The following SHB variants were observed in gnomAD, a reference collection of about 807,000 sequenced individuals.
SHB encodes SH2 domain-containing adapter protein B.
Under a neutral mutation model 52.3 loss-of-function variants are expected in SHB, and 20 were observed. The observed-to-expected ratio is 0.38, with a 90% CI of 0.27 to 0.56. SHB has a LOEUF of 0.56. Ranked by LOEUF, SHB falls within the 20% of genes least tolerant of loss-of-function variation. SHB has a pLI of 0.71. For missense variants in SHB, 825 were observed against 723.3 expected (o/e 1.14, Z -1.61); for synonymous variants, 397 against 316.5 (o/e 1.25, Z -2.70).
chr9:38,019,544 C>G (rs561851544), intron 1 of SHB, among the ~76,000 whole-genome samples: 1 of 152,252 alleles, frequency 6.6e-6, no homozygotes, highest in Non-Finnish European at 1.5e-5. Context: ...TGCCCCTTGG[C>G]CACACTTCCC....
At chr9:37,960,907 G>A (rs1832686534) in intron 3 of SHB, among the ~76,000 whole-genome samples, 1 of 152,220 alleles carries the variant, frequency 6.6e-6, no homozygotes, top group Non-Finnish European at 1.5e-5. Context: ...GCCCAGGACT[G>A]CAGGCCTGCA....
At chr9:37,977,876 C>T (rs1820673935) in intron 2 of SHB, among the ~76,000 whole-genome samples, 1 of 152,216 alleles carries the variant, frequency 6.6e-6, no homozygotes, top group Admixed American at 6.5e-5. Context: ...CCCATGTACA[C>T]AGTTGATGAA....
chr9:38,011,709 G>C (rs1445199679), intron 2 of SHB, among the ~76,000 whole-genome samples: 1 of 152,188 alleles, frequency 6.6e-6, no homozygotes, highest in Non-Finnish European at 1.5e-5. Context: ...TCTGGGGATA[G>C]GCAGTTCACT....
At chr9:37,988,657 A>G (rs1410825240) in intron 2 of SHB, among the ~76,000 whole-genome samples, 1 of 152,112 alleles carries the variant, frequency 6.6e-6, no homozygotes, top group Non-Finnish European at 1.5e-5. Context: ...ATGTGTCAAC[A>G]TGGTTGTCCT....
intron 1 of SHB, among the ~76,000 whole-genome samples, chr9:38,066,712 G>T (rs1330345499): frequency 6.6e-6 from 1 of 152,104 alleles, no homozygotes; most frequent in African/African-American, 2.4e-5. Flanking sequence ...GGGAGGCCAG[G>T]CAGAAAAACT....
rs985158965 is a variant in SHB at position 37,956,001 on chromosome 9, G to A, written c.1108C>T (p.Arg370Trp). The stretch of plus-strand genomic sequence containing the variant: ...CCAGGGGCACGAAGCTGGCGCCGCC[G>A]GTCCCGCGAAGGTGAGGGGGATGAC... ...RQSSPSPSRD[R>W]RRQLRAPGGG... is the part of the protein sequence containing the mutation. The change falls in exon 4 of 6, where the codon CGG (arginine) becomes TGG (tryptophan). Residue 370 changes from arginine (R) to tryptophan (W), a missense_variant. Transcript: ENST00000377707. 21 of 1,592,116 alleles carry A rather than the reference G, an allele frequency of 1.3e-5. No homozygotes were observed. The highest frequency in any genetic ancestry group is 1.8e-5 in the Non-Finnish European group (21 of 1,170,060).
At chr9:38,050,220 TCA>T (rs149269650) in intron 1 of SHB, among the ~76,000 whole-genome samples, 3,260 of 152,310 alleles carry the variant, frequency 0.021, 109 homozygotes, top group African/African-American at 0.074. Flanking sequence ...CAGGGAAATG[TCA>T]CAGTCCTTCA....
rs750545134 is a variant in SHB, at chr9:38,068,443, C to A, written c.203G>T (p.Gly68Val). ...ATASCFSASS[G>V]SLPDDSGSTS... ...GCTGCCGCTGTCGTCGGGCAGCGAG[C>A]CCGAAGAGGCTGAGAAGCAGGAGGC... Residue 68 changes from glycine to valine, a missense_variant, in exon 1 of 6, where the codon GGC becomes GTC. Physicochemically the swap from Gly to Val is moderately radical, Grantham distance 109 (BLOSUM62 -3). Coordinates refer to ENST00000377707, the MANE Select transcript of SHB (RefSeq NM_003028.3). 1 of 1,543,940 alleles carries A rather than the reference C, an allele frequency of 6.5e-7. No individual in the cohort carries two copies. Among genetic ancestry groups the A allele is most frequent in the South Asian group, 1.2e-5 (1 of 83,554 alleles).
At chr9:38,051,716 T>G (rs1297730329) in intron 1 of SHB, among the ~76,000 whole-genome samples, 1 of 152,196 alleles carries the variant, frequency 6.6e-6, no homozygotes, top group Non-Finnish European at 1.5e-5. Context: ...AGGAGCTGAC[T>G]GATGGCAACA....
chr9:37,917,342 G>C lies in SHB; in HGVS notation c.*2479C>G, dbSNP rs958664371. On this transcript the variant is annotated 3_prime_UTR_variant, in exon 6 of 6. Transcript: ENST00000377707. ...CAGGAAGACGAAGGCCAGGGACAGA[G>C]GGAGGGTCCCAGGAATACCCTAAGA... Among the ~76,000 whole-genome samples the C allele has an allele frequency of 1.3e-5, 2 of 152,196 alleles. No homozygotes were observed. Among genetic ancestry groups the C allele is most frequent in the African/African-American group, 4.8e-5 (2 of 41,450 alleles).
At chr9:38,010,532 C>G (rs2118064041) in intron 2 of SHB, among the ~76,000 whole-genome samples, 1 of 152,314 alleles carries the variant, frequency 6.6e-6, no homozygotes, top group East Asian at 1.9e-4. Flanking sequence ...CACCTCTATG[C>G]TTTTCTCAAG....
chr9:38,067,297 G>C (rs1433535483), intron 1 of SHB, among the ~76,000 whole-genome samples: 1 of 152,194 alleles, frequency 6.6e-6, no homozygotes, highest in African/African-American at 2.4e-5. Context: ...GGTTCGATGA[G>C]GAGCGCTCTT....
In SHB at chr9:37,918,427, G is replaced by GTCCCTGGGAGGTCAGGATTCTCCC. The variant is rs1832130620; in HGVS notation, c.*1393_*1394insGGGAGAATCCTGACCTCCCAGGGA. Among the ~76,000 whole-genome samples, 3 of 114,058 alleles carry GTCCCTGGGAGGTCAGGATTCTCCC rather than the reference G, an allele frequency of 2.6e-5. No homozygotes were observed. The highest frequency in any genetic ancestry group is 3.9e-5 in the Non-Finnish European group (2 of 51,162). 74.8% of individuals were successfully genotyped at this position (114,058 alleles called of 152,430 possible). ...CAGTGTGGACCACTGAGGGCTGTGT[G>GTCCCTGGGAGGTCAGGATTCTCCC]TGTGTGTGTGTGTGTGTGTAGGTGT... is the stretch of plus-strand genomic sequence containing the variant. On this transcript the variant is annotated 3_prime_UTR_variant, in exon 6 of 6. Coordinates refer to ENST00000377707, the MANE Select transcript of SHB (RefSeq NM_003028.3).
chr9:38,009,199 T>C (rs559615279), intron 2 of SHB, among the ~76,000 whole-genome samples: 1 of 152,260 alleles, frequency 6.6e-6, no homozygotes, highest in Admixed American at 6.5e-5. Flanking sequence ...GAAGGGCCTC[T>C]AGAGCTGGCT....
chr9:37,930,231 C>T (rs1832297508), intron 5 of SHB, among the ~76,000 whole-genome samples: 1 of 152,358 alleles, frequency 6.6e-6, no homozygotes, highest in Admixed American at 6.5e-5. Context: ...CAACCAGATA[C>T]TCTGAGATCA....
chr9:37,949,580 G>C (rs750666737), intron 4 of SHB, among the ~76,000 whole-genome samples: 2 of 152,132 alleles, frequency 1.3e-5, no homozygotes, highest in Non-Finnish European at 2.9e-5. Flanking sequence ...AAACAGCTAG[G>C]GGCCAGCATG....
Position 38,068,734 on chromosome 9 carries a change from CGCCCCG to C in SHB, c.-95_-90del. 1.1e-6 allele frequency: 1 copy of C among 893,850 alleles called. No homozygotes were observed. The highest frequency in any genetic ancestry group is 1.4e-6 in the Non-Finnish European group (1 of 719,992). The allele number at this position is 893,850 out of a possible 1,614,324, so 55.4% of individuals were successfully genotyped here. On this transcript the variant is annotated 5_prime_UTR_variant, in exon 1 of 6. Transcript: ENST00000377707. ...CAGCGCTGCGGCGCAGGTCCCTCGG[CGCCCCG>C]GCCCCGGCGGGGGGCGTCCGGGGCG... is the stretch of plus-strand genomic sequence containing the variant.
In SHB at chr9:38,068,107, G is replaced by A. The variant is rs574056272; in HGVS notation, c.539C>T (p.Ser180Phe). 72 of 1,482,482 alleles carry A rather than the reference G, an allele frequency of 4.9e-5. No individual in the cohort carries two copies. The highest frequency in any genetic ancestry group is 2.2e-4 in the East Asian group (8 of 36,142). 91.8% of individuals were successfully genotyped at this position (1,482,482 alleles called of 1,614,324 possible). A position where few individuals can be genotyped will look rare whatever the true frequency, so the allele number is the denominator to read the frequency against. Reference sequence around the variant, plus strand: ...CACTTTGATGAGGCGGTGCTTGGGGGAGATGTAGCGCACCTCGGCCGGCGT... The same window carrying A: ...CACTTTGATGAGGCGGTGCTTGGGGAAGATGTAGCGCACCTCGGCCGGCGT... The part of the protein sequence containing the change: ...PATPAEVRYI[S>F]PKHRLIKVES... Residue 180 changes from serine to phenylalanine, a missense_variant, in exon 1 of 6, where the codon TCC becomes TTC. By Grantham distance (155) the Ser-to-Phe change is radical (BLOSUM62 -2). Transcript: ENST00000377707.
intron 1 of SHB, among the ~76,000 whole-genome samples, chr9:38,056,074 G>A (rs1821811893): frequency 1.3e-5 from 2 of 152,296 alleles, no homozygotes; most frequent in East Asian, 3.9e-4. Context: ...ATAAAGACAG[G>A]CCTTCATCAT....
Sources: allele counts gnomAD v4.1 joint callset (sites outside exome capture counted in the v4.1 genomes callset), GRCh38; gene constraint gnomAD v4.1.1; transcripts MANE v1.5; gene names NCBI Gene and HGNC (gene_info 2026-07-23, HGNC 2026-07-21).